TLE4: variants seen among roughly 807,000 people sequenced by gnomAD.
TLE4 encodes transducin-like enhancer protein 4.
Under a neutral mutation model 92.8 loss-of-function variants are expected in TLE4, and 8 were observed. That is an observed-to-expected ratio of 0.09 (90% CI 0.05 to 0.16). TLE4 has a LOEUF of 0.16. Ranked by LOEUF, TLE4 falls within the 10% of genes least tolerant of loss-of-function variation. TLE4 has a pLI of 1.00. For missense variants in TLE4, 675 were observed against 997.6 expected (o/e 0.68, Z 4.36); for synonymous variants, 371 against 374.1 (o/e 0.99, Z 0.10).
intron 11 of TLE4, chr9:79,707,239 G>A (rs2071875879): frequency 3.1e-6 from 5 of 1,596,100 alleles, no homozygotes; most frequent in Admixed American, 1.7e-5. Flanking sequence ...TTTGGGGCTT[G>A]AATGTGATTT....
chr9:79,585,506 G>A (rs1320200615), intron 4 of TLE4, among the ~76,000 whole-genome samples: 2 of 152,152 alleles, frequency 1.3e-5, no homozygotes, highest in Non-Finnish European at 2.9e-5. Context: ...CTAGTCACCA[G>A]CTTTGTGATA....
At chr9:79,686,413 A>G (rs547411432) in intron 8 of TLE4, among the ~76,000 whole-genome samples, 10 of 152,316 alleles carry the variant, frequency 6.6e-5, no homozygotes, top group African/African-American at 2.4e-4. Flanking sequence ...AGATGTAATA[A>G]AATTCTGATC....
At chr9:79,667,749 A>G (rs543221756) in intron 8 of TLE4, among the ~76,000 whole-genome samples, 1 of 152,266 alleles carries the variant, frequency 6.6e-6, no homozygotes, top group African/African-American at 2.4e-5. Context: ...ACACGACCCC[A>G]CCCTCAATCT....
chr9:79,686,819 A>G (rs1421121813), intron 8 of TLE4, among the ~76,000 whole-genome samples: 3 of 152,250 alleles, frequency 2.0e-5, no homozygotes, highest in African/African-American at 7.2e-5. Context: ...TTGTTGTGGC[A>G]GCCCCAGGAA....
intron 6 of TLE4, among the ~76,000 whole-genome samples, chr9:79,644,242 G>A (rs142684294): frequency 2.6e-4 from 40 of 152,158 alleles, no homozygotes; most frequent in East Asian, 2.3e-3. Context: ...CTGCTGCCAC[G>A]TGAAGAAGGG....
chr9:79,575,804 G>A (rs2037568816), intron 3 of TLE4: 1 of 212,350 alleles, frequency 4.7e-6, no homozygotes, highest in South Asian at 1.9e-4. Flanking sequence ...CTTGCCTGCT[G>A]TGCTTAGGAA....
intron 6 of TLE4, among the ~76,000 whole-genome samples, chr9:79,629,532 A>G (rs1305218996): frequency 6.6e-6 from 1 of 152,168 alleles, no homozygotes; most frequent in Non-Finnish European, 1.5e-5. Context: ...GTGACCTAAA[A>G]ACTTAAAGAA....
intron 4 of TLE4, among the ~76,000 whole-genome samples, chr9:79,590,193 G>C (rs948652234): frequency 1.3e-5 from 2 of 152,132 alleles, no homozygotes; most frequent in Non-Finnish European, 2.9e-5. Context: ...ACCTAAAGTG[G>C]CTAGTGAAAA....
chr9:79,644,987 C>G (rs1284506142), intron 6 of TLE4, among the ~76,000 whole-genome samples: 7 of 152,154 alleles, frequency 4.6e-5, no homozygotes, highest in Non-Finnish European at 8.8e-5. Flanking sequence ...AGTCCTTGGC[C>G]CCAGAGTGCC....
intron 4 of TLE4, among the ~76,000 whole-genome samples, chr9:79,609,310 T>C (rs937008988): frequency 6.6e-6 from 1 of 152,116 alleles, no homozygotes; most frequent in African/African-American, 2.4e-5. Flanking sequence ...ATGTGTTGAG[T>C]GCGTAGCCAA....
intron 4 of TLE4, among the ~76,000 whole-genome samples, chr9:79,581,326 G>A (rs1434185767): frequency 6.6e-6 from 1 of 152,228 alleles, no homozygotes; most frequent in Non-Finnish European, 1.5e-5. Flanking sequence ...ACCTGCACGG[G>A]AAGCAGATCT....
chr9:79,591,988 A>G (rs546752067), intron 4 of TLE4, among the ~76,000 whole-genome samples: 24 of 152,266 alleles, frequency 1.6e-4, no homozygotes, highest in Non-Finnish European at 2.9e-5. Context: ...AACCTCAAGG[A>G]TTCTTTCCAC....
chr9:79,722,161 C>T (rs1485020734), intron 17 of TLE4, among the ~76,000 whole-genome samples: 1 of 151,508 alleles, frequency 6.6e-6, no homozygotes, highest in Non-Finnish European at 1.5e-5. Flanking sequence ...AAGACTCTGT[C>T]TGAAAAACAA....
chr9:79,596,476 C>CGAA (rs1323331797), intron 4 of TLE4, among the ~76,000 whole-genome samples: 4 of 152,140 alleles, frequency 2.6e-5, no homozygotes, highest in Admixed American at 6.5e-5. Flanking sequence ...TGAGCTCACT[C>CGAA]CTTCCAATCA....
At chr9:79,595,988 A>G (rs1373359362) in intron 4 of TLE4, among the ~76,000 whole-genome samples, 1 of 151,634 alleles carries the variant, frequency 6.6e-6, no homozygotes, top group African/African-American at 2.4e-5. Flanking sequence ...CTGGGACTAC[A>G]GGCGCCCACC....
chr9:79,630,246 C>T (rs926037435), intron 6 of TLE4, among the ~76,000 whole-genome samples: 7 of 152,128 alleles, frequency 4.6e-5, no homozygotes, highest in Non-Finnish European at 1.0e-4. Flanking sequence ...ACGAGTGATC[C>T]ATGCAGTTTA....
intron 4 of TLE4, among the ~76,000 whole-genome samples, chr9:79,600,038 G>C (rs2045212035): frequency 6.6e-6 from 1 of 152,202 alleles, no homozygotes; most frequent in African/African-American, 2.4e-5. Flanking sequence ...CTGACAAATA[G>C]TAAGTAGATA....
intron 4 of TLE4, among the ~76,000 whole-genome samples, chr9:79,612,186 T>G (rs1416350747): frequency 6.6e-6 from 1 of 152,114 alleles, no homozygotes; most frequent in Admixed American, 6.6e-5. Context: ...GTCTTGAGTT[T>G]AAAATCACAG....
chr9:79,606,228 C>A (rs1400077479), intron 4 of TLE4, among the ~76,000 whole-genome samples: 125 of 33,012 alleles, frequency 3.8e-3, no homozygotes, highest in East Asian at 8.9e-3. Context: ...TTTTTTTTAA[C>A]AAGCACTTGA....
Sources: gnomAD v4.1 joint callset for allele counts (sites outside exome capture counted in the v4.1 genomes callset) on GRCh38, gnomAD v4.1.1 for gene constraint, MANE v1.5 for transcripts, NCBI Gene and HGNC (gene_info 2026-07-23, HGNC 2026-07-21) for gene names.